PRR5L: variants seen among roughly 807,000 people sequenced by gnomAD.
The protein encoded by PRR5L is proline rich 5 like, also known as proline-rich protein 5-like.
In PRR5L, 21 loss-of-function variants were observed where a neutral mutation model predicts 36.4. That is an observed-to-expected ratio of 0.58 (90% confidence interval 0.41 to 0.83). The LOEUF is 0.83. Ranked by LOEUF, PRR5L falls within the 40% of genes least tolerant of loss-of-function variation. The pLI is 0.00. For synonymous variants in PRR5L, 188 were observed against 197.0 expected (o/e 0.95, Z 0.38); for missense variants, 381 against 473.3 (o/e 0.80, Z 1.81).
intron 4 of PRR5L, among the ~76,000 whole-genome samples, chr11:36,427,664 G>GC (rs769587282): frequency 9.2e-5 from 14 of 152,176 alleles, no homozygotes; most frequent in Non-Finnish European, 1.9e-4. Context: ...GCAGGCTTAA[G>GC]CCCCACAGAT....
At chr11:36,368,039 T>C (rs1418636737) in intron 1 of PRR5L, among the ~76,000 whole-genome samples, 2 of 151,184 alleles carry the variant, frequency 1.3e-5, no homozygotes, top group African/African-American at 2.4e-5. Flanking sequence ...TGGGTGTAAA[T>C]AGGAAATGAA....
chr11:36,342,318 C>T (rs1856824838), intron 1 of PRR5L, among the ~76,000 whole-genome samples: 1 of 152,094 alleles, frequency 6.6e-6, no homozygotes, highest in African/African-American at 2.4e-5. Flanking sequence ...AAATATAAAG[C>T]TGGAGATCAG....
rs533058348 is a variant in PRR5L at position 36,389,910 on chromosome 11, C to G, written c.-125-11087C>G. ...TAATTTTAAATGTTGATGTTCTGAG[C>G]CGACACCTGCTTATGGTTCCTGTCT... On this transcript the variant is annotated intron_variant, in intron 1 of 8. Coordinates refer to ENST00000530639, the MANE Select transcript of PRR5L (RefSeq NM_001160167.2). 6.6e-5 allele frequency among the ~76,000 whole-genome samples: 10 copies of G among 152,228 alleles called. No homozygotes were observed. In the South Asian group the frequency reaches 2.1e-3, roughly 32 times the overall value.
At chr11:36,371,900 AAAAC>A (rs1183510088) in intron 1 of PRR5L, among the ~76,000 whole-genome samples, 1 of 152,136 alleles carries the variant, frequency 6.6e-6, no homozygotes, top group South Asian at 2.1e-4. Context: ...CTCTACTAAA[AAAAC>A]AAAATTAGCT....
At chr11:36,415,033 G>A (rs992515026) in intron 3 of PRR5L, among the ~76,000 whole-genome samples, 4 of 145,584 alleles carry the variant, frequency 2.7e-5, no homozygotes, top group Non-Finnish European at 4.5e-5. Context: ...GATATGCAGC[G>A]TTATTTCTGT....
At chr11:36,389,395 G>C (rs943729013) in intron 1 of PRR5L, among the ~76,000 whole-genome samples, 1 of 152,038 alleles carries the variant, frequency 6.6e-6, no homozygotes. Context: ...AGCTTTTTGC[G>C]CCCCTACTCA....
At chr11:36,340,617 T>A (rs1273462064) in intron 1 of PRR5L, among the ~76,000 whole-genome samples, 1 of 152,140 alleles carries the variant, frequency 6.6e-6, no homozygotes, top group Non-Finnish European at 1.5e-5. Context: ...GCATTCTGGC[T>A]TCAGAGTCTT....
At chr11:36,399,953 A>C (rs1485184060) in intron 1 of PRR5L, among the ~76,000 whole-genome samples, 1 of 152,248 alleles carries the variant, frequency 6.6e-6, no homozygotes, top group Non-Finnish European at 1.5e-5. Flanking sequence ...CATTAGTAAC[A>C]GCTGAGGACT....
intron 1 of PRR5L, among the ~76,000 whole-genome samples, chr11:36,343,110 A>G (rs1321856470): frequency 6.6e-6 from 1 of 152,254 alleles, no homozygotes; most frequent in East Asian, 1.9e-4. Context: ...GCAGCTGGGC[A>G]AAGACCCCAG....
At chr11:36,352,757 C>T (rs1341924826) in intron 1 of PRR5L, among the ~76,000 whole-genome samples, 3 of 152,176 alleles carry the variant, frequency 2.0e-5, no homozygotes, top group African/African-American at 7.2e-5. Flanking sequence ...CCTCAGATAC[C>T]AGGATACCAG....
At chr11:36,446,613 C>T (rs1858837790) in intron 7 of PRR5L, among the ~76,000 whole-genome samples, 173 bp downstream of exon 7, 1 of 152,200 alleles carries the variant, frequency 6.6e-6, no homozygotes, top group African/African-American at 2.4e-5. Context: ...ATTTGAGGTG[C>T]ATTCACTGAG....
Position 36,349,296 on chromosome 11 carries a change from A to AAG in PRR5L, c.-125-51701_-125-51700insAG, listed in dbSNP as rs1554986758. 1.8e-3 allele frequency among the ~76,000 whole-genome samples: 273 copies of AAG among 151,284 alleles called. 1 individual carries two copies. The highest frequency in any genetic ancestry group is 6.5e-3 in the African/African-American group (268 of 41,248). On this transcript the variant is annotated intron_variant, in intron 1 of 8. Coordinates refer to ENST00000530639, the MANE Select transcript of PRR5L (RefSeq NM_001160167.2). Reference sequence around the variant, plus strand: ...GACTCTGCCAAAAAAAAAAAAAAAAAGAAAAATTGAAGATTTCAAAAACTG... The same window carrying AAG: ...GACTCTGCCAAAAAAAAAAAAAAAAAAGGAAAAATTGAAGATTTCAAAAACTG...
At chr11:36,370,708 C>T (rs750066154) in intron 1 of PRR5L, among the ~76,000 whole-genome samples, 1 of 152,006 alleles carries the variant, frequency 6.6e-6, no homozygotes, top group Non-Finnish European at 1.5e-5. Context: ...GGTGAAACCC[C>T]ATCTCTACTA....
intron 1 of PRR5L, among the ~76,000 whole-genome samples, chr11:36,340,040 G>A (rs118037418): frequency 9.3e-4 from 141 of 152,286 alleles, no homozygotes; most frequent in East Asian, 4.1e-3. Flanking sequence ...CTGCCATCCA[G>A]TGCACAGCTG....
chr11:36,367,968 G>A (rs1018657625), intron 1 of PRR5L, among the ~76,000 whole-genome samples: 1 of 151,638 alleles, frequency 6.6e-6, no homozygotes, highest in Non-Finnish European at 1.5e-5. Context: ...AGATTTGTGG[G>A]AGCCAAAGTA....
At chr11:36,447,348 T>C (rs544914890) in intron 7 of PRR5L, among the ~76,000 whole-genome samples, 1 of 152,308 alleles carries the variant, frequency 6.6e-6, no homozygotes, top group East Asian at 1.9e-4. Flanking sequence ...CCAGAGGAAA[T>C]AATTTAATTG....
At chr11:36,363,740 G>A (rs918624423) in intron 1 of PRR5L, among the ~76,000 whole-genome samples, 1 of 152,186 alleles carries the variant, frequency 6.6e-6, no homozygotes, top group Non-Finnish European at 1.5e-5. Context: ...CACTGGCAAG[G>A]CACTTACTCT....
At chr11:36,458,883 T>A (rs1379237065) in intron 8 of PRR5L, among the ~76,000 whole-genome samples, 1 of 152,260 alleles carries the variant, frequency 6.6e-6, no homozygotes, top group Non-Finnish European at 1.5e-5. Context: ...CACAGCATTG[T>A]CCTGCCTGGC....
At chr11:36,413,078 G>GT (rs755124188) in intron 3 of PRR5L, among the ~76,000 whole-genome samples, 6 of 152,068 alleles carry the variant, frequency 3.9e-5, no homozygotes, top group East Asian at 3.9e-4. Context: ...AAGAATAGAG[G>GT]TTTTTTTCAG....
Sources: allele counts gnomAD v4.1 joint callset (sites outside exome capture counted in the v4.1 genomes callset), GRCh38; gene constraint gnomAD v4.1.1; transcripts MANE v1.5; gene names NCBI Gene and HGNC (gene_info 2026-07-23, HGNC 2026-07-21).